The following ITGA11 variants were observed in gnomAD, a reference collection of about 807,000 sequenced individuals.
The protein encoded by ITGA11 is integrin alpha-11.
In ITGA11, 97 loss-of-function variants were observed where a neutral mutation model predicts 141.9. The ratio of observed to expected loss-of-function variants is 0.68; its 90% CI spans 0.58 to 0.81. The LOEUF is 0.81. Among genes scored for constraint, ITGA11 ranks in the 30% least tolerant of loss-of-function variants. The pLI is 0.00. For missense variants in ITGA11, 1,387 were observed against 1,559.2 expected (o/e 0.89, Z 1.86); for synonymous variants, 658 against 624.6 (o/e 1.05, Z -0.80).
chr15:68,430,175 A>G (rs1354147882), intron 1 of ITGA11, among the ~76,000 whole-genome samples: 1 of 152,236 alleles, frequency 6.6e-6, no homozygotes, highest in Admixed American at 6.5e-5. Context: ...TCGCCATATA[A>G]GCGGAGCTCT....
intron 2 of ITGA11, among the ~76,000 whole-genome samples, chr15:68,370,368 C>T (rs1895551126): frequency 6.6e-6 from 1 of 152,194 alleles, no homozygotes; most frequent in South Asian, 2.1e-4. Flanking sequence ...GACTCACCCC[C>T]ACTGATGCTG....
intron 11 of ITGA11, among the ~76,000 whole-genome samples, chr15:68,336,738 C>T (rs1274311904): frequency 6.6e-6 from 1 of 152,230 alleles, no homozygotes; most frequent in African/African-American, 2.4e-5. Flanking sequence ...TGGGCTGTTT[C>T]TGGGGAACAG....
At chr15:68,426,878 G>C (rs1309077788) in intron 1 of ITGA11, among the ~76,000 whole-genome samples, 1 of 151,930 alleles carries the variant, frequency 6.6e-6, no homozygotes, top group Non-Finnish European at 1.5e-5. Context: ...AGCTGGGTAT[G>C]GTAGCACAGG....
chr15:68,325,166 G>A lies in ITGA11; in HGVS notation c.2287C>T (p.Leu763=). 6.2e-7 allele frequency: 1 copy of A among 1,613,966 alleles called. No individual in the cohort carries two copies. Among genetic ancestry groups the A allele is most frequent in the South Asian group, 1.1e-5 (1 of 91,064 alleles). Residue 763 remains leucine (L), a synonymous_variant, in exon 18 of 30, where the codon CTG becomes TTG. Transcript: ENST00000315757. The surrounding 1 kb of genome is among the most constrained non-coding windows in gnomAD (Gnocchi z 5.5). Reference sequence around the variant, plus strand: ...AGAGTGGTGGGCCAGCCGTCGTCCAGCATGGGGCCATGGTCAGGGTCCTCC... The same window carrying A: ...AGAGTGGTGGGCCAGCCGTCGTCCAACATGGGGCCATGGTCAGGGTCCTCC... ...SLEDPDHGPM[L]DDGWPTTLRV...
At chr15:68,384,935 T>G (rs1895947366) in intron 2 of ITGA11, among the ~76,000 whole-genome samples, 1 of 152,198 alleles carries the variant, frequency 6.6e-6, no homozygotes, top group African/African-American at 2.4e-5. Flanking sequence ...AGATGCATCT[T>G]TCTGCTCAAA....
At chr15:68,330,799 A>G (rs967604019) in intron 15 of ITGA11, among the ~76,000 whole-genome samples, 182 bp downstream of exon 15, 1 of 152,208 alleles carries the variant, frequency 6.6e-6, no homozygotes, top group Admixed American at 6.5e-5. Flanking sequence ...TTCAATTTAT[A>G]TTGAATTTAC....
intron 10 of ITGA11, among the ~76,000 whole-genome samples, chr15:68,344,994 C>G (rs1174465738): frequency 6.6e-6 from 1 of 151,984 alleles, no homozygotes; most frequent in African/African-American, 2.4e-5. Flanking sequence ...TTGTAGTCCT[C>G]TTTCTCCCTC....
intron 26 of ITGA11, among the ~76,000 whole-genome samples, chr15:68,310,416 A>C (rs1476457391): frequency 6.6e-6 from 1 of 152,158 alleles, no homozygotes; most frequent in Non-Finnish European, 1.5e-5. Flanking sequence ...AAAACAGGGA[A>C]GATTGTTGTC....
chr15:68,332,826 C>T (rs1351257049), intron 12 of ITGA11, among the ~76,000 whole-genome samples: 7 of 151,982 alleles, frequency 4.6e-5, no homozygotes, highest in Admixed American at 4.6e-4. Context: ...GACATCCAAA[C>T]ATAACTACCA....
At chr15:68,363,348 G>A (rs1178436873) in intron 4 of ITGA11, among the ~76,000 whole-genome samples, 2 of 152,166 alleles carry the variant, frequency 1.3e-5, no homozygotes, top group Non-Finnish European at 2.9e-5. Flanking sequence ...GAGCCTGAGA[G>A]GGAAAAGGGA....
At chr15:68,332,975 A>G (rs1567132911) in intron 12 of ITGA11, among the ~76,000 whole-genome samples, 1 of 152,212 alleles carries the variant, frequency 6.6e-6, no homozygotes, top group African/African-American at 2.4e-5. Context: ...TTTTAAATAA[A>G]ACAATACATC....
intron 1 of ITGA11, among the ~76,000 whole-genome samples, chr15:68,408,306 C>T (rs1896693557): frequency 6.6e-6 from 1 of 152,174 alleles, no homozygotes; most frequent in South Asian, 2.1e-4. Flanking sequence ...GATCTCATCA[C>T]CCCTGTGCCT....
At position 68,310,984 on chromosome 15, in the gene ITGA11, G is replaced by C; in HGVS notation, c.3174+10C>G. 3.1e-6 allele frequency: 5 copies of C among 1,592,212 alleles called. No individual in the cohort carries two copies. Among genetic ancestry groups the C allele is most frequent in the Non-Finnish European group, 3.4e-6 (4 of 1,168,134 alleles). Reference sequence around the variant, plus strand: ...CAACCACTGTGGCTCTCGGTCTGGGGGACACTCACCAGCTGTGGAGCACGA... The same window carrying C: ...CAACCACTGTGGCTCTCGGTCTGGGCGACACTCACCAGCTGTGGAGCACGA... On this transcript the variant is annotated intron_variant, in intron 26 of 29. Transcript: ENST00000315757.
rs1474761863 is a variant in ITGA11, at chr15:68,397,779, TA to T, written c.164+5138del. 4.8e-5 allele frequency among the ~76,000 whole-genome samples: 5 copies of T among 103,792 alleles called. 2 individuals are homozygous for T. Among genetic ancestry groups the T allele is most frequent in the African/African-American group, 2.1e-4 (5 of 24,302 alleles). 68.1% of individuals were successfully genotyped at this position (103,792 alleles called of 152,430 possible). ...TATTTAAAATATTATATTTAAAATA[TA>T]TTTAAAATAATATAAAATTATTAAT... On this transcript the variant is annotated intron_variant, in intron 2 of 29. Transcript: ENST00000315757.
rs1431639658 is a variant in ITGA11 at position 68,311,477 on chromosome 15, C to G, written c.2974-74G>C. 2.9e-6 allele frequency: 3 copies of G among 1,046,608 alleles called. No homozygotes were observed. In the East Asian group the frequency reaches 7.8e-5, roughly 27 times the overall value. 64.8% of individuals were successfully genotyped at this position (1,046,608 alleles called of 1,614,324 possible). On this transcript the variant is annotated intron_variant, in intron 24 of 29. Transcript: ENST00000315757. ...GAAAACAAGGTCCACAGGGGCCAAC[C>G]AGCCCCTGGGGGTGGCAATTCCCCC...
rs552911855 is a variant in ITGA11 at position 68,333,593 on chromosome 15, C to T, written c.1426-1115G>A. Among the ~76,000 whole-genome samples the T allele has an allele frequency of 1.8e-4, 28 of 152,284 alleles. No individual in the cohort carries two copies. In the South Asian group the frequency reaches 4.6e-3, roughly 25 times the overall value. On this transcript the variant is annotated intron_variant, in intron 12 of 29. Transcript: ENST00000315757. The surrounding 1 kb of genome is among the most constrained non-coding windows in gnomAD (Gnocchi z 4.2). Reference sequence around the variant, plus strand: ...CCCTCCACCTCTCCCACCCGTAAACCTGCCAGCAAGTGCTACGTGGTGGGT... The same window carrying T: ...CCCTCCACCTCTCCCACCCGTAAACTTGCCAGCAAGTGCTACGTGGTGGGT...
chr15:68,360,490 C>T (rs940499659), intron 5 of ITGA11, among the ~76,000 whole-genome samples: 11 of 152,248 alleles, frequency 7.2e-5, no homozygotes, highest in African/African-American at 2.2e-4. Context: ...CTCACACGCA[C>T]GCATGCACAC....
At chr15:68,344,442 A>G (rs1298783228) in intron 10 of ITGA11, among the ~76,000 whole-genome samples, 2 of 152,192 alleles carry the variant, frequency 1.3e-5, no homozygotes, top group Admixed American at 1.3e-4. Context: ...TCAGCCACTA[A>G]GAACCTTAGC....
intron 7 of ITGA11, among the ~76,000 whole-genome samples, chr15:68,352,147 G>GACC (rs1351857482): frequency 6.6e-6 from 1 of 150,730 alleles, no homozygotes; most frequent in Non-Finnish European, 1.5e-5. Flanking sequence ...GCCTCAGCCA[G>GACC]ACCCCTGAAA....
Sources: allele counts gnomAD v4.1 joint callset (sites outside exome capture counted in the v4.1 genomes callset), GRCh38; gene constraint gnomAD v4.1.1; non-coding constraint Gnocchi (gnomAD v3.1); transcripts MANE v1.5; gene names NCBI Gene and HGNC (gene_info 2026-07-23, HGNC 2026-07-21).